Variants in RPS6KC1 observed in about 807,000 individuals in gnomAD.
RPS6KC1 encodes the protein inactive ribosomal protein S6 kinase delta-1.
In RPS6KC1, 54 loss-of-function variants were observed where a neutral mutation model predicts 103.8. That is an observed-to-expected ratio of 0.52 (90% CI 0.42 to 0.65). RPS6KC1 has a LOEUF of 0.65. Ranked by LOEUF, RPS6KC1 falls within the 30% of genes least tolerant of loss-of-function variation. The probability of loss-of-function intolerance (pLI) is 0.00; values close to 1 mark genes in which losing one functional copy is unlikely to be tolerated. For synonymous variants in RPS6KC1, 439 were observed against 438.7 expected (o/e 1.00, Z -0.01); for missense variants, 1,151 against 1,253.8 (o/e 0.92, Z 1.24).
At chr1:213,176,253 CA>C (rs1558479498) in intron 7 of RPS6KC1, 146 bp from the exon 8 acceptor site, 1 of 434,356 alleles carries the variant, frequency 2.3e-6, no homozygotes, top group East Asian at 3.5e-5. Flanking sequence ...TTTTATATTA[CA>C]GACAAACAGA....
intron 8 of RPS6KC1, among the ~76,000 whole-genome samples, chr1:213,197,378 A>G (rs140671300): frequency 6.6e-6 from 1 of 152,248 alleles, no homozygotes; most frequent in East Asian, 1.9e-4. Flanking sequence ...TTTTGGCAAT[A>G]TGGTCATATT....
chr1:213,372,391 C>T, the RPS6KC1 span, among the ~76,000 whole-genome samples: 2 of 152,180 alleles, frequency 1.3e-5, no homozygotes, highest in South Asian at 2.1e-4. Context: ...TCCCTGAGGC[C>T]TTTGTCAACA....
the RPS6KC1 span, among the ~76,000 whole-genome samples, chr1:213,422,873 G>A: frequency 6.6e-6 from 1 of 152,214 alleles, no homozygotes; most frequent in African/African-American, 2.4e-5. Context: ...AGAGGTAACA[G>A]AAGTACCAAT....
At chr1:213,629,730 C>T in the RPS6KC1 span, among the ~76,000 whole-genome samples, 3 of 152,128 alleles carry the variant, frequency 2.0e-5, no homozygotes, top group African/African-American at 7.2e-5. Context: ...ACCGGTTATT[C>T]CTTTTCATGT....
the RPS6KC1 span, among the ~76,000 whole-genome samples, chr1:213,854,857 C>T: frequency 1.3e-5 from 2 of 152,196 alleles, 1 homozygote; most frequent in South Asian, 4.1e-4. Context: ...AGGTCCCTGT[C>T]TTAGTCATCT....
At chr1:213,609,662 T>C in the RPS6KC1 span, among the ~76,000 whole-genome samples, 1 of 151,788 alleles carries the variant, frequency 6.6e-6, no homozygotes, top group Non-Finnish European at 1.5e-5. Context: ...CAGGTGGGTT[T>C]ATCTCTTTGG....
the RPS6KC1 span, among the ~76,000 whole-genome samples, chr1:213,413,001 TTG>T: frequency 4.6e-5 from 7 of 152,258 alleles, no homozygotes; most frequent in Admixed American, 1.3e-4. Flanking sequence ...TTTAAGATCC[TTG>T]AGGATCTTAA....
At chr1:213,190,612 CT>C (rs2092711053) in intron 8 of RPS6KC1, among the ~76,000 whole-genome samples, 2 of 152,072 alleles carry the variant, frequency 1.3e-5, no homozygotes, top group African/African-American at 4.8e-5. Context: ...TGTCCCTTCA[CT>C]TTTTTGATTG....
intron 6 of RPS6KC1, among the ~76,000 whole-genome samples, chr1:213,140,732 T>G (rs61834118): frequency 0.055 from 8,376 of 152,136 alleles, 287 homozygotes; most frequent in African/African-American, 0.08. Context: ...GCTGGATTCC[T>G]TTTGCTAGTA....
chr1:213,143,661 T>G (rs1179732341), intron 6 of RPS6KC1, among the ~76,000 whole-genome samples: 1 of 152,032 alleles, frequency 6.6e-6, no homozygotes, highest in African/African-American at 2.4e-5. Flanking sequence ...TTTTTCATGT[T>G]TTGTTTTCGT....
At chr1:213,499,326 C>A in the RPS6KC1 span, among the ~76,000 whole-genome samples, 1 of 152,152 alleles carries the variant, frequency 6.6e-6, no homozygotes, top group Non-Finnish European at 1.5e-5. Flanking sequence ...TAGGCGATTT[C>A]GTCATTATGT....
At chr1:213,093,073 C>T (rs1229454883) in intron 3 of RPS6KC1, among the ~76,000 whole-genome samples, 2 of 152,126 alleles carry the variant, frequency 1.3e-5, no homozygotes, top group Non-Finnish European at 2.9e-5. Flanking sequence ...ATGAAAGTTT[C>T]ATATTAATCT....
intron 8 of RPS6KC1, among the ~76,000 whole-genome samples, chr1:213,229,673 T>G (rs1187177158): frequency 6.6e-6 from 1 of 152,100 alleles, no homozygotes; most frequent in Admixed American, 6.6e-5. Flanking sequence ...ATTTATTTTA[T>G]CCATCAAGAT....
At chr1:213,158,480 G>A (rs1321518539) in intron 6 of RPS6KC1, among the ~76,000 whole-genome samples, 1 of 152,180 alleles carries the variant, frequency 6.6e-6, no homozygotes, top group East Asian at 1.9e-4. Context: ...ATACTTTCCC[G>A]ATCTTTGTGG....
At chr1:213,828,092 A>G in the RPS6KC1 span, among the ~76,000 whole-genome samples, 2 of 152,222 alleles carry the variant, frequency 1.3e-5, no homozygotes, top group Non-Finnish European at 2.9e-5. Context: ...GATCAGAGTC[A>G]TCAAACGCTG....
At chr1:213,290,163 A>T in the RPS6KC1 span, among the ~76,000 whole-genome samples, 1 of 151,576 alleles carries the variant, frequency 6.6e-6, no homozygotes, top group Non-Finnish European at 1.5e-5. Flanking sequence ...AAAAAAAAAA[A>T]AAAAAGAATC....
At chr1:213,684,964 G>A in the RPS6KC1 span, among the ~76,000 whole-genome samples, 1 of 152,300 alleles carries the variant, frequency 6.6e-6, no homozygotes, top group African/African-American at 2.4e-5. Flanking sequence ...GCCAGTTCCC[G>A]AATGCCGGTT....
chr1:213,796,094 T>C, the RPS6KC1 span, among the ~76,000 whole-genome samples: 2 of 152,226 alleles, frequency 1.3e-5, no homozygotes, highest in Non-Finnish European at 2.9e-5. Context: ...AGCCACCAGT[T>C]TCTTCCCATT....
chr1:213,846,562 A>G, the RPS6KC1 span, among the ~76,000 whole-genome samples: 1 of 152,192 alleles, frequency 6.6e-6, no homozygotes, highest in Admixed American at 6.5e-5. Context: ...TTTTAGTTCT[A>G]CTAAGCCATG....
Sources: gnomAD v4.1 joint callset for allele counts (sites outside exome capture counted in the v4.1 genomes callset) on GRCh38, gnomAD v4.1.1 for gene constraint, MANE v1.5 for transcripts, NCBI Gene and HGNC (gene_info 2026-07-23, HGNC 2026-07-21) for gene names.